The following PCDHGB3 variants were observed in gnomAD, a reference collection of about 807,000 sequenced individuals.
PCDHGB3 encodes protocadherin gamma-B3.
PCDHGB3 carries 40 observed loss-of-function variants against 59.2 expected under a neutral mutation model. The observed-to-expected ratio is 0.68, with a 90% CI of 0.52 to 0.88. The LOEUF is 0.88. PCDHGB3 is among the 40% of genes least tolerant of loss of function. The pLI is 0.00. For missense variants in PCDHGB3, 1,309 were observed against 1,187.9 expected (o/e 1.10, Z -1.50); for synonymous variants, 581 against 503.6 (o/e 1.15, Z -2.06).
intron 1 of PCDHGB3, chr5:141,389,294 A>C: frequency 1.2e-6 from 2 of 1,613,964 alleles, no homozygotes; most frequent in Non-Finnish European, 8.5e-7. Flanking sequence ...CCTCTATTTC[A>C]CAAGTCAGGG....
chr5:141,484,647 G>C (rs556711906), intron 1 of PCDHGB3, among the ~76,000 whole-genome samples: 1 of 151,948 alleles, frequency 6.6e-6, no homozygotes, highest in African/African-American at 2.4e-5. Context: ...CTCTCCAATG[G>C]CTACTCTCCC....
At chr5:141,427,984 C>G (rs754620535) in intron 1 of PCDHGB3, 2 of 1,597,494 alleles carry the variant, frequency 1.3e-6, no homozygotes, top group South Asian at 2.2e-5. Flanking sequence ...GCGCTGGGGC[C>G]CGATGGCTCC....
At chr5:141,479,535 G>A (rs539785154) in intron 1 of PCDHGB3, 2 of 152,378 alleles carry the variant, frequency 1.3e-5, no homozygotes, top group Non-Finnish European at 2.9e-5. Context: ...AAGTGGAGAA[G>A]GTCAAAACTG....
At chr5:141,394,777 C>T (rs2093090848) in intron 1 of PCDHGB3, 5 of 1,613,516 alleles carry the variant, frequency 3.1e-6, no homozygotes, top group African/African-American at 2.7e-5. Flanking sequence ...CCCCCTCTCT[C>T]CGCCACTGTC....
chr5:141,401,655 A>G (rs1011518295), intron 1 of PCDHGB3, among the ~76,000 whole-genome samples: 2 of 152,232 alleles, frequency 1.3e-5, no homozygotes, highest in South Asian at 2.1e-4. Context: ...AAATGACTGG[A>G]TGTTTTCTCA....
intron 1 of PCDHGB3, chr5:141,374,279 A>G: frequency 6.2e-7 from 1 of 1,614,000 alleles, no homozygotes; most frequent in Non-Finnish European, 8.5e-7. Context: ...CGGAGTCCGC[A>G]TCGTCTCCAG....
intron 1 of PCDHGB3, among the ~76,000 whole-genome samples, chr5:141,387,402 T>C (rs953681527): frequency 6.6e-5 from 10 of 152,186 alleles, no homozygotes; most frequent in African/African-American, 2.4e-4. Context: ...TGTTTGAAGA[T>C]TGGGGAAAGC....
At chr5:141,484,317 T>C (rs939085863) in intron 1 of PCDHGB3, among the ~76,000 whole-genome samples, 1 of 152,220 alleles carries the variant, frequency 6.6e-6, no homozygotes, top group Non-Finnish European at 1.5e-5. Context: ...CCCGCTTCCA[T>C]ACTGTCCTTG....
chr5:141,422,310 T>A, intron 1 of PCDHGB3: 1 of 1,546,532 alleles, frequency 6.5e-7, no homozygotes, highest in Non-Finnish European at 8.7e-7. Flanking sequence ...TGGAAAACTC[T>A]CCTCCAGGTA....
intron 1 of PCDHGB3, among the ~76,000 whole-genome samples, chr5:141,480,839 G>A (rs1397361640): frequency 6.6e-6 from 1 of 152,196 alleles, no homozygotes; most frequent in Non-Finnish European, 1.5e-5. Context: ...AAGATCAGGA[G>A]TTTGAGACCA....
chr5:141,388,160 G>A (rs766854792), intron 1 of PCDHGB3: 9 of 1,474,272 alleles, frequency 6.1e-6, no homozygotes, highest in Non-Finnish European at 8.4e-6. Context: ...GGCTAGACAG[G>A]GAGGAGATAT....
intron 2 of PCDHGB3, among the ~76,000 whole-genome samples, chr5:141,502,857 ACT>A (rs1332453483): frequency 7.7e-5 from 7 of 91,446 alleles, no homozygotes; most frequent in African/African-American, 4.1e-4. Flanking sequence ...CCTAACCCTG[ACT>A]CTCTGTCTTT....
At position 141,487,886 on chromosome 5, in the gene PCDHGB3, G is replaced by A. The variant is rs1208779156; in HGVS notation, c.2416-6921G>A. On this transcript the variant is annotated intron_variant, in intron 1 of 3. Transcript: ENST00000576222. This position sits in a 1 kb window ranked among gnomAD's most constrained non-coding sequence, Gnocchi z 5.0. ...GATCAAGAGCCAGGCTGTTGTGGAA[G>A]CATGATGATGGAATGTGGGAGCACA... is the stretch of plus-strand genomic sequence containing the variant. 1.3e-6 allele frequency: 1 copy of A among 751,316 alleles called. No individual in the cohort carries two copies. The highest frequency in any genetic ancestry group is 2.1e-6 in the Non-Finnish European group (1 of 467,526). The allele number at this position is 751,316 out of a possible 1,614,324, so 46.5% of individuals were successfully genotyped here.
At chr5:141,395,359 G>T in intron 1 of PCDHGB3, 2 of 1,289,368 alleles carry the variant, frequency 1.6e-6, no homozygotes, top group East Asian at 5.1e-5. Flanking sequence ...CAGAGTTTTG[G>T]GTTTATTTTG....
At chr5:141,452,065 T>A (rs185791618) in intron 1 of PCDHGB3, among the ~76,000 whole-genome samples, 1 of 152,332 alleles carries the variant, frequency 6.6e-6, no homozygotes, top group Non-Finnish European at 1.5e-5. Flanking sequence ...TTATTCTACT[T>A]TTATTAGTTG....
Position 141,485,281 on chromosome 5 carries a change from A to G in PCDHGB3, c.2416-9526A>G. 4 of 1,614,156 alleles carry G rather than the reference A, an allele frequency of 2.5e-6. No individual in the cohort carries two copies. In the South Asian group the frequency reaches 3.3e-5, roughly 13 times the overall value. Reference sequence around the variant, plus strand: ...GTGGGCAGATCCGCTACCCGGTCCCAGAGGAGTCACAGGAAGGGACTTTTG... The same window carrying G: ...GTGGGCAGATCCGCTACCCGGTCCCGGAGGAGTCACAGGAAGGGACTTTTG... On this transcript the variant is annotated intron_variant, in intron 1 of 3. Coordinates refer to ENST00000576222, the MANE Select transcript of PCDHGB3 (RefSeq NM_018924.5). The surrounding 1 kb of genome is among the most constrained non-coding windows in gnomAD (Gnocchi z 5.7).
intron 1 of PCDHGB3, chr5:141,375,706 T>C: frequency 6.2e-7 from 1 of 1,614,232 alleles, no homozygotes; most frequent in Non-Finnish European, 8.5e-7. Flanking sequence ...GGGACCCGCC[T>C]CTTAGCAGCA....
At chr5:141,376,704 G>T in intron 1 of PCDHGB3, 1 of 620,824 alleles carries the variant, frequency 1.6e-6, no homozygotes. Flanking sequence ...TTTTGAGACG[G>T]AGTCTCGCTC....
chr5:141,485,497 T>C lies in PCDHGB3; in HGVS notation c.2416-9310T>C, dbSNP rs1594488328. On this transcript the variant is annotated intron_variant, in intron 1 of 3. Coordinates refer to ENST00000576222, the MANE Select transcript of PCDHGB3 (RefSeq NM_018924.5). The surrounding 1 kb of genome is among the most constrained non-coding windows in gnomAD (Gnocchi z 5.7). ...CCAGCTGCATCGTGCCCCTGGAGTT[T>C]GTCACCGAAGGTCCTTTGGAAATGT... 6.2e-7 allele frequency: 1 copy of C among 1,614,112 alleles called. No homozygotes were observed. The highest frequency in any genetic ancestry group is 1.3e-5 in the African/African-American group (1 of 74,998).
Sources: allele counts gnomAD v4.1 joint callset (sites outside exome capture counted in the v4.1 genomes callset), GRCh38; gene constraint gnomAD v4.1.1; non-coding constraint Gnocchi (gnomAD v3.1); transcripts MANE v1.5; gene names NCBI Gene and HGNC (gene_info 2026-07-23, HGNC 2026-07-21).